FBXL17: variants seen among roughly 807,000 people sequenced by gnomAD.
The protein encoded by FBXL17 is F-box/LRR-repeat protein 17.
In FBXL17, 22 loss-of-function variants were observed where a neutral mutation model predicts 66.2. The observed-to-expected ratio is 0.33, with a 90% CI of 0.24 to 0.47. The LOEUF (loss-of-function observed/expected upper bound fraction) is 0.47, where lower values mean the gene tolerates loss of function less well. FBXL17 is among the 20% of genes least tolerant of loss of function. The pLI, the probability that FBXL17 is intolerant of heterozygous loss-of-function variation, is 1.00. For synonymous variants in FBXL17, 474 were observed against 400.5 expected (o/e 1.18, Z -2.19); for missense variants, 878 against 948.2 (o/e 0.93, Z 0.97).
chr5:108,099,631 C>T (rs1161904081), intron 6 of FBXL17, among the ~76,000 whole-genome samples: 1 of 152,104 alleles, frequency 6.6e-6, no homozygotes, highest in East Asian at 1.9e-4. Flanking sequence ...ACTTACCATC[C>T]TAGATATGAA....
At chr5:108,253,701 G>C (rs1486998052) in intron 4 of FBXL17, among the ~76,000 whole-genome samples, 2 of 152,088 alleles carry the variant, frequency 1.3e-5, no homozygotes, top group Non-Finnish European at 2.9e-5. Context: ...AATTAAAAAT[G>C]TTTAAAGTGG....
chr5:108,311,178 A>ATTT (rs1561522212), intron 4 of FBXL17, among the ~76,000 whole-genome samples: 1 of 150,952 alleles, frequency 6.6e-6, no homozygotes, highest in African/African-American at 2.4e-5. Context: ...TTTTATTTTT[A>ATTT]TTTTTTTTCT....
intron 4 of FBXL17, among the ~76,000 whole-genome samples, chr5:108,273,481 T>C (rs1208403795): frequency 6.6e-6 from 1 of 152,072 alleles, no homozygotes; most frequent in Non-Finnish European, 1.5e-5. Context: ...GCAATATTTA[T>C]TATGAATAAC....
intron 4 of FBXL17, among the ~76,000 whole-genome samples, chr5:108,230,893 G>A (rs989485266): frequency 2.0e-5 from 3 of 151,936 alleles, no homozygotes; most frequent in African/African-American, 4.8e-5. Flanking sequence ...CACTATTAAC[G>A]AACTTACAAA....
chr5:107,998,146 GAAT>G (rs1753556556), intron 7 of FBXL17, among the ~76,000 whole-genome samples: 1 of 152,124 alleles, frequency 6.6e-6, no homozygotes, highest in South Asian at 2.1e-4. Context: ...TTACATGCTG[GAAT>G]AATAATACTT....
chr5:108,270,558 A>G (rs1352049508), intron 4 of FBXL17, among the ~76,000 whole-genome samples: 1 of 150,990 alleles, frequency 6.6e-6, no homozygotes, highest in Non-Finnish European at 1.5e-5. Context: ...CATGTTCTCA[A>G]GGAAATTTGT....
chr5:108,381,729 AG>A lies in FBXL17; in HGVS notation c.-39del, dbSNP rs971192075. 3.6e-5 allele frequency: 51 copies of A among 1,398,824 alleles called. No individual in the cohort carries two copies. The highest frequency in any genetic ancestry group is 3.5e-5 in the Non-Finnish European group (38 of 1,083,620). The allele number at this position is 1,398,824 out of a possible 1,614,324, so 86.7% of individuals were successfully genotyped here. A position where few individuals can be genotyped will look rare whatever the true frequency, so the allele number is the denominator to read the frequency against. On this transcript the variant is annotated 5_prime_UTR_variant, in exon 1 of 9. Coordinates refer to ENST00000542267, the MANE Select transcript of FBXL17 (RefSeq NM_001163315.3). Reference sequence around the variant, plus strand: ...GAGGAGGGGGACCGGGACGGGAGGGAGGGAGACCCAGAGAGGCGGGCTCCCG... The same window carrying A: ...GAGGAGGGGGACCGGGACGGGAGGGAGGAGACCCAGAGAGGCGGGCTCCCG...
intron 7 of FBXL17, among the ~76,000 whole-genome samples, chr5:107,961,328 T>C (rs1751898651): frequency 4.0e-5 from 6 of 151,810 alleles, no homozygotes; most frequent in Admixed American, 3.3e-4. Context: ...AGGCTCAAGA[T>C]ATTCTCCCAC....
At chr5:108,345,711 T>C (rs1338712123) in intron 4 of FBXL17, among the ~76,000 whole-genome samples, 3 of 151,914 alleles carry the variant, frequency 2.0e-5, no homozygotes, top group African/African-American at 7.3e-5. Flanking sequence ...TCCTTATAGT[T>C]ACATCAAGGA....
At chr5:108,377,690 G>A (rs1020137733) in intron 1 of FBXL17, among the ~76,000 whole-genome samples, 1 of 152,232 alleles carries the variant, frequency 6.6e-6, no homozygotes, top group Non-Finnish European at 1.5e-5. Flanking sequence ...TTATACTTGT[G>A]TGTGGAAAGG....
chr5:108,003,409 G>T (rs1753811147), intron 7 of FBXL17, among the ~76,000 whole-genome samples: 1 of 151,968 alleles, frequency 6.6e-6, no homozygotes, highest in South Asian at 2.1e-4. Flanking sequence ...AGGTCACAGT[G>T]GGTTCCCATA....
At chr5:108,303,982 C>A (rs1335678814) in intron 4 of FBXL17, among the ~76,000 whole-genome samples, 1 of 151,952 alleles carries the variant, frequency 6.6e-6, no homozygotes, top group Non-Finnish European at 1.5e-5. Flanking sequence ...GCTTGAGAAT[C>A]AGTGAACTAG....
intron 4 of FBXL17, among the ~76,000 whole-genome samples, chr5:108,300,366 A>G (rs1758533281): frequency 6.6e-6 from 1 of 151,944 alleles, no homozygotes; most frequent in African/African-American, 2.4e-5. Flanking sequence ...AAGTGGCCCA[A>G]TTTAGAAACA....
intron 7 of FBXL17, among the ~76,000 whole-genome samples, chr5:107,968,002 T>C (rs976666311): frequency 2.0e-5 from 3 of 152,184 alleles, no homozygotes; most frequent in African/African-American, 4.8e-5. Context: ...ATTCCAGTTA[T>C]ACTAAGGTAT....
At chr5:108,220,301 T>G (rs1251971228) in intron 5 of FBXL17, among the ~76,000 whole-genome samples, 1 of 152,164 alleles carries the variant, frequency 6.6e-6, no homozygotes, top group Non-Finnish European at 1.5e-5. Context: ...CTTTCTGTTC[T>G]GTTTTGTCAA....
At chr5:108,268,087 A>T (rs181651552) in intron 4 of FBXL17, among the ~76,000 whole-genome samples, 1 of 152,184 alleles carries the variant, frequency 6.6e-6, no homozygotes, top group African/African-American at 2.4e-5. Context: ...TAGTATAGTA[A>T]TAAGAAAGAA....
At chr5:107,939,164 T>G (rs1465194088) in intron 7 of FBXL17, among the ~76,000 whole-genome samples, 1 of 152,188 alleles carries the variant, frequency 6.6e-6, no homozygotes, top group Non-Finnish European at 1.5e-5. Context: ...ATACATATGA[T>G]GTGCCAGGTA....
intron 6 of FBXL17, among the ~76,000 whole-genome samples, chr5:108,073,256 G>T (rs1206943393): frequency 6.6e-6 from 1 of 152,076 alleles, no homozygotes; most frequent in Non-Finnish European, 1.5e-5. Context: ...AACCACATTG[G>T]TTTTGAAATT....
At chr5:108,226,831 T>G (rs958478452) in intron 4 of FBXL17, among the ~76,000 whole-genome samples, 1 of 152,202 alleles carries the variant, frequency 6.6e-6, no homozygotes, top group African/African-American at 2.4e-5. Context: ...CTGCCTTTGA[T>G]TCAGACTTGC....
Sources: gnomAD v4.1 joint callset for allele counts (sites outside exome capture counted in the v4.1 genomes callset) on GRCh38, gnomAD v4.1.1 for gene constraint, MANE v1.5 for transcripts, NCBI Gene and HGNC (gene_info 2026-07-23, HGNC 2026-07-21) for gene names.